The following SHROOM3 variants were observed in gnomAD, a reference collection of about 807,000 sequenced individuals.
The protein encoded by SHROOM3 is protein Shroom3.
SHROOM3 carries 47 observed loss-of-function variants against 138.6 expected under a neutral mutation model. That is an observed-to-expected ratio of 0.34 (90% confidence interval 0.27 to 0.43). The LOEUF is 0.43. Ranked by LOEUF, SHROOM3 falls within the 20% of genes least tolerant of loss-of-function variation. The pLI is 1.00. For missense variants in SHROOM3, 2,491 were observed against 2,596.5 expected, an observed-to-expected ratio of 0.96 and a Z score of 0.88; for synonymous variants, 1,062 against 1,063.3, an observed-to-expected ratio of 1.00 and a Z score of 0.02.
chr4:76,609,850 C>CT (rs541512363), intron 2 of SHROOM3, among the ~76,000 whole-genome samples: 1 of 152,128 alleles, frequency 6.6e-6, no homozygotes, highest in Admixed American at 6.5e-5. Context: ...CATTAATTTA[C>CT]TTTTTTTCAG....
chr4:76,753,876 G>A (rs1304484326), intron 6 of SHROOM3, among the ~76,000 whole-genome samples: 2 of 152,170 alleles, frequency 1.3e-5, no homozygotes, highest in Admixed American at 1.3e-4. Flanking sequence ...GACCTCCCCC[G>A]TGGGGATCGC....
intron 2 of SHROOM3, among the ~76,000 whole-genome samples, chr4:76,666,301 A>G (rs564979620): frequency 6.6e-6 from 1 of 152,288 alleles, no homozygotes; most frequent in East Asian, 1.9e-4. Flanking sequence ...TTCTATTCAG[A>G]TACATCAGTG....
At chr4:76,590,454 T>C (rs980417901) in intron 2 of SHROOM3, among the ~76,000 whole-genome samples, 1 of 151,182 alleles carries the variant, frequency 6.6e-6, no homozygotes, top group Non-Finnish European at 1.5e-5. Context: ...ACTGTTCTTG[T>C]GGCCATCTGT....
chr4:76,708,254 C>T (rs558593997), intron 2 of SHROOM3, among the ~76,000 whole-genome samples: 1 of 152,152 alleles, frequency 6.6e-6, no homozygotes, highest in African/African-American at 2.4e-5. Context: ...TTCTGGTCTG[C>T]CTGCTCTTCC....
chr4:76,650,125 G>T (rs1735920358), intron 2 of SHROOM3, among the ~76,000 whole-genome samples: 1 of 152,086 alleles, frequency 6.6e-6, no homozygotes. Flanking sequence ...TCTGATCAGG[G>T]CCCTACCTTT....
chr4:76,736,149 G>A (rs1389612703), intron 4 of SHROOM3, among the ~76,000 whole-genome samples: 1 of 151,782 alleles, frequency 6.6e-6, no homozygotes, highest in Non-Finnish European at 1.5e-5. Context: ...GAAGCAGACT[G>A]GGTCATACAG....
intron 6 of SHROOM3, among the ~76,000 whole-genome samples, chr4:76,750,903 C>G (rs1721600903): frequency 6.6e-6 from 1 of 152,050 alleles, no homozygotes; most frequent in Non-Finnish European, 1.5e-5. Flanking sequence ...AATGCTTGTC[C>G]TGTTCTTCAG....
At chr4:76,526,580 C>G (rs776292784) in intron 1 of SHROOM3, among the ~76,000 whole-genome samples, 1 of 152,138 alleles carries the variant, frequency 6.6e-6, no homozygotes, top group South Asian at 2.1e-4. Context: ...TGGAAGAGAA[C>G]GTCTACAGGA....
intron 2 of SHROOM3, among the ~76,000 whole-genome samples, chr4:76,649,284 A>G (rs1735903531): frequency 6.6e-6 from 1 of 152,214 alleles, no homozygotes. Context: ...CCATACTCAA[A>G]GGGATAAAAG....
chr4:76,697,933 G>C (rs1719792391), intron 2 of SHROOM3, among the ~76,000 whole-genome samples: 1 of 152,150 alleles, frequency 6.6e-6, no homozygotes, highest in Admixed American at 6.5e-5. Context: ...CTACCCTATA[G>C]TAACTAAGAG....
At chr4:76,441,775 T>A (rs1335130297) in intron 1 of SHROOM3, among the ~76,000 whole-genome samples, 2 of 152,266 alleles carry the variant, frequency 1.3e-5, no homozygotes, top group African/African-American at 4.8e-5. Flanking sequence ...CAGGCTGGAG[T>A]GCAATGGCAC....
At chr4:76,732,284 G>A (rs1720911554) in intron 4 of SHROOM3, among the ~76,000 whole-genome samples, 1 of 152,180 alleles carries the variant, frequency 6.6e-6, no homozygotes, top group Non-Finnish European at 1.5e-5. Context: ...GAGGAGGGGA[G>A]GCTGGAAGCT....
At chr4:76,447,049 G>A (rs1730821625) in intron 1 of SHROOM3, among the ~76,000 whole-genome samples, 2 of 152,242 alleles carry the variant, frequency 1.3e-5, no homozygotes, top group South Asian at 2.1e-4. Context: ...ACGTACAGTT[G>A]TTACCCTCAA....
chr4:76,499,143 T>A (rs1732036775), intron 1 of SHROOM3, among the ~76,000 whole-genome samples: 1 of 152,190 alleles, frequency 6.6e-6, no homozygotes, highest in Non-Finnish European at 1.5e-5. Flanking sequence ...TGTTCACACT[T>A]CTTGAGTATA....
At chr4:76,487,759 A>G (rs550251810) in intron 1 of SHROOM3, among the ~76,000 whole-genome samples, 2 of 152,332 alleles carry the variant, frequency 1.3e-5, no homozygotes, top group African/African-American at 4.8e-5. Flanking sequence ...TTCACTAAGA[A>G]TTGGAACTAT....
chr4:76,576,058 A>C (rs1733930853), intron 2 of SHROOM3, among the ~76,000 whole-genome samples: 1 of 152,192 alleles, frequency 6.6e-6, no homozygotes. Flanking sequence ...TAGGAATGCA[A>C]ATTAGTACAA....
intron 5 of SHROOM3, among the ~76,000 whole-genome samples, chr4:76,744,629 A>G (rs1004363371): frequency 1.1e-4 from 16 of 152,330 alleles, no homozygotes; most frequent in Admixed American, 6.5e-4. Flanking sequence ...ATTATCAGTA[A>G]GCTTTTGGGA....
rs1395241113 is a variant in SHROOM3 at position 76,485,191 on chromosome 4, C to A, written c.168+48971C>A. On this transcript the variant is annotated intron_variant, in intron 1 of 10. Transcript: ENST00000296043. ...CCCTTGTGACCTCACTTTCCTGTCT[C>A]TCATTGATACTTGCTGTCTGCAAAT... Among the ~76,000 whole-genome samples the A allele has an allele frequency of 3.3e-5, 5 of 152,142 alleles. No individual in the cohort carries two copies. The East Asian group carries it at 7.7e-4, about 23-fold the overall frequency.
chr4:76,697,547 G>C (rs1719776991), intron 2 of SHROOM3, among the ~76,000 whole-genome samples: 1 of 152,076 alleles, frequency 6.6e-6, no homozygotes, highest in Non-Finnish European at 1.5e-5. Context: ...GGCAGTTAAG[G>C]GCACACTCTG....
Sources: gnomAD v4.1 joint callset for allele counts (sites outside exome capture counted in the v4.1 genomes callset) on GRCh38, gnomAD v4.1.1 for gene constraint, MANE v1.5 for transcripts, NCBI Gene and HGNC (gene_info 2026-07-23, HGNC 2026-07-21) for gene names.